The following UPF2 variants were observed in gnomAD, a reference collection of about 807,000 sequenced individuals.
UPF2 encodes the protein UPF2 regulator of nonsense mediated mRNA decay.
UPF2 carries 17 observed loss-of-function variants against 141.4 expected under a neutral mutation model. That is an observed-to-expected ratio of 0.12 (90% confidence interval 0.08 to 0.18). The LOEUF (loss-of-function observed/expected upper bound fraction) is 0.18, where lower values mean the gene tolerates loss of function less well. UPF2 is among the 10% of genes least tolerant of loss of function. The pLI is 1.00. For synonymous variants in UPF2, 540 were observed against 498.0 expected, an observed-to-expected ratio of 1.08 and a Z score of -1.12; for missense variants, 1,152 against 1,515.9, an observed-to-expected ratio of 0.76 and a Z score of 3.99.
Position 12,031,173 on chromosome 10 carries a change from C to CAAAAA in UPF2, c.366-1654_366-1650dup, listed in dbSNP as rs1230080718. 3.0e-4 allele frequency among the ~76,000 whole-genome samples: 9 copies of CAAAAA among 29,870 alleles called. 2 individuals are homozygous for CAAAAA. The highest frequency in any genetic ancestry group is 5.4e-4 in the African/African-American group (5 of 9,242). The allele number at this position is 29,870 out of a possible 152,430, so 19.6% of individuals were successfully genotyped here. On this transcript the variant is annotated intron_variant, in intron 2 of 21. Transcript: ENST00000357604. ...TGGGCGAAAGAGCAAGACTCCATCTCAAAAAAAAAAAAAAAAACAAAACAG... is the reference window on the plus strand; with the variant it reads ...TGGGCGAAAGAGCAAGACTCCATCTCAAAAAAAAAAAAAAAAAAAAAACAAAACAG...
chr10:11,986,969 T>C (rs984747913), intron 8 of UPF2, among the ~76,000 whole-genome samples: 3 of 152,250 alleles, frequency 2.0e-5, no homozygotes, highest in African/African-American at 7.2e-5. Flanking sequence ...AAGAGTATTC[T>C]GTTTACATGA....
In UPF2 at chr10:12,028,999, A is replaced by G. The variant is rs1278117755; in HGVS notation, c.891T>C (p.Ala297=). 1 of 1,614,228 alleles carries G rather than the reference A, an allele frequency of 6.2e-7. No individual in the cohort carries two copies. The highest frequency in any genetic ancestry group is 8.5e-7 in the Non-Finnish European group (1 of 1,180,048). ...AGACATGAGTGTGGGACTCCCGATC[A>G]GCATTAATAATATTTTTTAGCTGTT... ...IYEQLKNIIN[A]DRESHTHVSV... The change falls in exon 3 of 22, where the codon GCT becomes GCC. Residue 297 remains alanine, a synonymous_variant. Transcript: ENST00000357604.
At chr10:11,922,199 T>C (rs1201404933) in intron 21 of UPF2, among the ~76,000 whole-genome samples, 1 of 152,182 alleles carries the variant, frequency 6.6e-6, no homozygotes, top group Non-Finnish European at 1.5e-5. Flanking sequence ...GCTGACTCCC[T>C]GACCTCAGGT....
intron 8 of UPF2, among the ~76,000 whole-genome samples, chr10:11,987,608 A>T (rs911480640): frequency 1.3e-5 from 2 of 151,682 alleles, no homozygotes; most frequent in African/African-American, 4.8e-5. Flanking sequence ...AAAAATATAT[A>T]AAAATTAGCC....
chr10:11,987,303 T>A (rs1407876273), intron 8 of UPF2, among the ~76,000 whole-genome samples: 1 of 152,268 alleles, frequency 6.6e-6, no homozygotes, highest in African/African-American at 2.4e-5. Context: ...AGCCTGCACA[T>A]GGACCCTTGC....
At chr10:11,964,874 G>A (rs1480458298) in intron 10 of UPF2, among the ~76,000 whole-genome samples, 5 of 152,070 alleles carry the variant, frequency 3.3e-5, no homozygotes, top group Non-Finnish European at 7.4e-5. Flanking sequence ...CATATATAAT[G>A]AGACAGCCTG....
chr10:11,967,697 C>G (rs1361450590), intron 9 of UPF2, among the ~76,000 whole-genome samples: 1 of 151,670 alleles, frequency 6.6e-6, no homozygotes, highest in Non-Finnish European at 1.5e-5. Context: ...TTACAGGCGC[C>G]CACCACCACA....
intron 9 of UPF2, among the ~76,000 whole-genome samples, chr10:11,976,928 T>G (rs1040936336): frequency 1.3e-5 from 2 of 152,240 alleles, no homozygotes; most frequent in African/African-American, 4.8e-5. Flanking sequence ...GAACCCCACC[T>G]GGTAGACATG....
intron 10 of UPF2, among the ~76,000 whole-genome samples, chr10:11,966,486 G>A (rs1332829414): frequency 6.6e-6 from 1 of 152,070 alleles, no homozygotes; most frequent in African/African-American, 2.4e-5. Flanking sequence ...GTGCAATGGT[G>A]TGATCTTGGC....
Position 11,989,163 on chromosome 10 carries a change from G to A in UPF2, c.1844+8509C>T, listed in dbSNP as rs144877016. 9.8e-4 allele frequency among the ~76,000 whole-genome samples: 149 copies of A among 152,264 alleles called. 1 individual carries two copies. In the South Asian group the frequency reaches 0.014, roughly 14 times the overall value. Reference sequence around the variant, plus strand: ...CTCATTTTACAGATCTGTAAACAGAGGCATTGGCTTTCCAAATCCCACAGT... The same window carrying A: ...CTCATTTTACAGATCTGTAAACAGAAGCATTGGCTTTCCAAATCCCACAGT... On this transcript the variant is annotated intron_variant, in intron 8 of 21. Coordinates refer to ENST00000357604, the MANE Select transcript of UPF2 (RefSeq NM_015542.4).
At chr10:11,957,512 T>C (rs1331547208) in intron 12 of UPF2, among the ~76,000 whole-genome samples, 1 of 151,824 alleles carries the variant, frequency 6.6e-6, no homozygotes, top group Non-Finnish European at 1.5e-5. Flanking sequence ...ATAATCTCAC[T>C]TTCTTTCTTT....
chr10:11,955,201 G>A, intron 14 of UPF2, 31 bp downstream of exon 14: 2 of 1,530,008 alleles, frequency 1.3e-6, no homozygotes, highest in African/African-American at 1.4e-5. Context: ...TATGTTAAAT[G>A]ATGCCAAACT....
rs777073203 is a variant in UPF2 at position 11,921,073 on chromosome 10, C to T, written c.*225G>A. 1.3e-6 allele frequency: 1 copy of T among 762,422 alleles called. No individual in the cohort carries two copies. Among genetic ancestry groups the T allele is most frequent in the South Asian group, 1.4e-5 (1 of 73,622 alleles). 47.2% of individuals were successfully genotyped at this position (762,422 alleles called of 1,614,324 possible). On this transcript the variant is annotated 3_prime_UTR_variant, in exon 22 of 22. Coordinates refer to ENST00000357604, the MANE Select transcript of UPF2 (RefSeq NM_015542.4). The surrounding 1 kb of genome is among the most constrained non-coding windows in gnomAD (Gnocchi z 5.9). ...GAGAAGATTAACCCTCGCGAGATTT[C>T]CATTACAAAAGGCCTTTTCCGCCTT... is the stretch of plus-strand genomic sequence containing the variant.
At chr10:11,982,172 GT>G (rs757130714) in intron 8 of UPF2, among the ~76,000 whole-genome samples, 9 of 151,444 alleles carry the variant, frequency 5.9e-5, no homozygotes, top group Non-Finnish European at 8.8e-5. Flanking sequence ...AACAAATAAA[GT>G]ATTCTTTTTC....
At chr10:11,988,982 T>TC (rs1833738644) in intron 8 of UPF2, among the ~76,000 whole-genome samples, 1 of 151,804 alleles carries the variant, frequency 6.6e-6, no homozygotes, top group African/African-American at 2.4e-5. Context: ...GATCAAGCCG[T>TC]CCCCCTCAGG....
intron 8 of UPF2, among the ~76,000 whole-genome samples, chr10:11,987,229 GTGATGAGA>G (rs1187400703): frequency 6.6e-6 from 1 of 152,134 alleles, no homozygotes; most frequent in Non-Finnish European, 1.5e-5. Flanking sequence ...TAACACCTAG[GTGATGAGA>G]TGATCTGCGC....
At chr10:11,946,873 T>C (rs1162918733) in intron 16 of UPF2, among the ~76,000 whole-genome samples, 1 of 152,160 alleles carries the variant, frequency 6.6e-6, no homozygotes, top group African/African-American at 2.4e-5. Flanking sequence ...CACAGCTTCA[T>C]GGAACATTTA....
chr10:11,948,658 G>T, intron 15 of UPF2, 150 bp from the exon 16 acceptor site: 1 of 922,332 alleles, frequency 1.1e-6, no homozygotes, highest in Non-Finnish European at 1.6e-6. Context: ...ACTACGGTGA[G>T]AAACATTTAA....
chr10:11,965,021 A>G (rs1339065583), intron 10 of UPF2, among the ~76,000 whole-genome samples: 1 of 152,248 alleles, frequency 6.6e-6, no homozygotes, highest in Middle Eastern at 3.2e-3. Context: ...GACTTGCCAC[A>G]TGAAGTCAGG....
Sources: gnomAD v4.1 joint callset for allele counts (sites outside exome capture counted in the v4.1 genomes callset) on GRCh38, gnomAD v4.1.1 for gene constraint, Gnocchi (gnomAD v3.1) non-coding constraint, MANE v1.5 for transcripts, NCBI Gene and HGNC (gene_info 2026-07-23, HGNC 2026-07-21) for gene names.